The following PTPRM variants were observed in gnomAD, a reference collection of about 807,000 sequenced individuals.
PTPRM encodes protein tyrosine phosphatase receptor type M.
In PTPRM, 47 loss-of-function variants were observed where a neutral mutation model predicts 186.7. That is an observed-to-expected ratio of 0.25 (90% CI 0.20 to 0.32). The LOEUF is 0.32. Among genes scored for constraint, PTPRM ranks in the 10% least tolerant of loss-of-function variants. The pLI, the probability that PTPRM is intolerant of heterozygous loss-of-function variation, is 1.00. For missense variants in PTPRM, 1,494 were observed against 1,865.0 expected, an observed-to-expected ratio of 0.80 and a Z score of 3.66; for synonymous variants, 668 against 674.9, an observed-to-expected ratio of 0.99 and a Z score of 0.16.
At chr18:7,754,515 C>T (rs2041373901) in intron 1 of PTPRM, among the ~76,000 whole-genome samples, 1 of 152,172 alleles carries the variant, frequency 6.6e-6, no homozygotes, top group East Asian at 1.9e-4. Context: ...CCCTGCCAGT[C>T]TTCATTGTCT....
At chr18:7,919,206 C>T (rs1478444717) in intron 4 of PTPRM, among the ~76,000 whole-genome samples, 2 of 152,164 alleles carry the variant, frequency 1.3e-5, no homozygotes, top group Non-Finnish European at 2.9e-5. Context: ...CTTTATACTA[C>T]ATTTTGAAAT....
intron 9 of PTPRM, among the ~76,000 whole-genome samples, chr18:8,077,792 G>T (rs2089910148): frequency 6.6e-6 from 1 of 152,124 alleles, no homozygotes. Flanking sequence ...AAGTTCACCT[G>T]TCCTAAAAGC....
chr18:8,094,794 C>G (rs2090930887), intron 11 of PTPRM, among the ~76,000 whole-genome samples: 1 of 152,090 alleles, frequency 6.6e-6, no homozygotes, highest in South Asian at 2.1e-4. Flanking sequence ...GAGGAAACTT[C>G]TAATATTCAA....
At chr18:8,166,871 T>C (rs546421768) in intron 14 of PTPRM, among the ~76,000 whole-genome samples, 1 of 152,344 alleles carries the variant, frequency 6.6e-6, no homozygotes, top group East Asian at 1.9e-4. Context: ...TATGATACTT[T>C]GGTTGAAATA....
At chr18:8,091,221 G>T (rs1185081157) in intron 11 of PTPRM, among the ~76,000 whole-genome samples, 1 of 151,974 alleles carries the variant, frequency 6.6e-6, no homozygotes, top group Non-Finnish European at 1.5e-5. Flanking sequence ...ACTTTGTATT[G>T]CCTCACCCTC....
At chr18:7,867,763 A>T (rs1415476007) in intron 2 of PTPRM, among the ~76,000 whole-genome samples, 1 of 152,096 alleles carries the variant, frequency 6.6e-6, no homozygotes, top group African/African-American at 2.4e-5. Context: ...AGGTTGGGGA[A>T]GTTCTGGATA....
chr18:7,840,985 A>G (rs1269579021), intron 2 of PTPRM, among the ~76,000 whole-genome samples: 1 of 152,178 alleles, frequency 6.6e-6, no homozygotes, highest in Non-Finnish European at 1.5e-5. Flanking sequence ...AAAGTACTAC[A>G]ATAGAAGTAA....
At chr18:7,726,025 C>T (rs1435387858) in intron 1 of PTPRM, among the ~76,000 whole-genome samples, 2 of 152,168 alleles carry the variant, frequency 1.3e-5, no homozygotes, top group African/African-American at 2.4e-5. Context: ...AGGGCCAGTA[C>T]AGAGTTCGCT....
intron 2 of PTPRM, among the ~76,000 whole-genome samples, chr18:7,860,411 T>A (rs559060029): frequency 6.6e-6 from 1 of 152,178 alleles, no homozygotes; most frequent in East Asian, 1.9e-4. Flanking sequence ...TTGGGAGAGA[T>A]AAAATGGATT....
chr18:7,771,486 A>G lies in PTPRM; in HGVS notation c.74-2663A>G, dbSNP rs1050362511. Among the ~76,000 whole-genome samples, 20 of 152,160 alleles carry G rather than the reference A, an allele frequency of 1.3e-4. 1 individual carries two copies. Among genetic ancestry groups the G allele is most frequent in the African/African-American group, 4.8e-4 (20 of 41,430 alleles). The stretch of plus-strand genomic sequence containing the variant: ...TGAAACAAATCCATTTTGTTTCTGG[A>G]GTTGTTAAAACTCAGTAAGAGGGCA... On this transcript the variant is annotated intron_variant, in intron 1 of 32. Coordinates refer to ENST00000580170, the MANE Select transcript of PTPRM (RefSeq NM_001105244.2).
intron 2 of PTPRM, among the ~76,000 whole-genome samples, chr18:7,807,671 C>T (rs1236030117): frequency 6.6e-6 from 1 of 152,188 alleles, no homozygotes; most frequent in Non-Finnish European, 1.5e-5. Flanking sequence ...AGTGAAAAAA[C>T]AAGTGCACCA....
At chr18:7,833,169 T>G (rs1266659535) in intron 2 of PTPRM, among the ~76,000 whole-genome samples, 1 of 152,164 alleles carries the variant, frequency 6.6e-6, no homozygotes, top group Non-Finnish European at 1.5e-5. Flanking sequence ...CATTGGTGTT[T>G]TGATAAGGTT....
At chr18:8,114,455 A>G (rs189051460) in intron 12 of PTPRM, among the ~76,000 whole-genome samples, 14 of 152,254 alleles carry the variant, frequency 9.2e-5, no homozygotes, top group Non-Finnish European at 1.8e-4. Context: ...TCTGAGATGC[A>G]TCATGCTTCT....
intron 1 of PTPRM, among the ~76,000 whole-genome samples, chr18:7,570,772 G>T (rs2036547082): frequency 6.6e-6 from 1 of 152,104 alleles, no homozygotes; most frequent in Non-Finnish European, 1.5e-5. Context: ...TTTTGGAATG[G>T]GTTTGGAATT....
intron 1 of PTPRM, among the ~76,000 whole-genome samples, chr18:7,745,184 T>G (rs1446077): frequency 0.43 from 65,927 of 151,870 alleles, 15,272 homozygotes; most frequent in East Asian, 0.86. Context: ...GAAATAAGAG[T>G]GTATCAGTTC....
At chr18:8,224,046 C>T (rs1211504851) in intron 14 of PTPRM, among the ~76,000 whole-genome samples, 1 of 152,094 alleles carries the variant, frequency 6.6e-6, no homozygotes, top group Non-Finnish European at 1.5e-5. Context: ...ACAGTACCTG[C>T]TTGGTAGGTA....
intron 1 of PTPRM, among the ~76,000 whole-genome samples, chr18:7,755,943 A>G (rs995139036): frequency 6.6e-6 from 1 of 152,128 alleles, no homozygotes; most frequent in Non-Finnish European, 1.5e-5. Flanking sequence ...ACTTTGTTCC[A>G]TTTTGAATTC....
Position 7,593,551 on chromosome 18 carries a change from G to A in PTPRM, c.73+25660G>A, listed in dbSNP as rs373464641. ...ATACCCAAGTTAAAGGCAAGAAGCG[G>A]TGGAGCTTCCCCCATGTACATGACC... On this transcript the variant is annotated intron_variant, in intron 1 of 32. Coordinates refer to ENST00000580170, the MANE Select transcript of PTPRM (RefSeq NM_001105244.2). Among the ~76,000 whole-genome samples, 24 of 152,288 alleles carry A rather than the reference G, an allele frequency of 1.6e-4. No individual in the cohort carries two copies. In the East Asian group the frequency reaches 3.7e-3, roughly 23 times the overall value.
intron 1 of PTPRM, among the ~76,000 whole-genome samples, chr18:7,758,966 C>T (rs1000713547): frequency 8.6e-5 from 13 of 151,642 alleles, no homozygotes; most frequent in South Asian, 2.1e-4. Flanking sequence ...AAGTAACTGT[C>T]GGAGGGAGTC....
Sources: allele counts gnomAD v4.1 joint callset (sites outside exome capture counted in the v4.1 genomes callset), GRCh38; gene constraint gnomAD v4.1.1; transcripts MANE v1.5; gene names NCBI Gene and HGNC (gene_info 2026-07-23, HGNC 2026-07-21).